The following DPYD variants were observed in gnomAD, a reference collection of about 807,000 sequenced individuals.
The protein encoded by DPYD is dihydropyrimidine dehydrogenase, also known as dihydropyrimidine dehydrogenase [NADP(+)].
A neutral mutation model predicts 116.2 loss-of-function variants in DPYD; 109 were observed. That is an observed-to-expected ratio of 0.94 (90% CI 0.80 to 1.10). The LOEUF is 1.10. Among genes scored for constraint, DPYD ranks in the 50% least tolerant of loss-of-function variants. DPYD has a pLI of 0.00. For missense variants in DPYD, 1,302 were observed against 1,254.5 expected (o/e 1.04, Z -0.57); for synonymous variants, 440 against 432.0 (o/e 1.02, Z -0.23).
intron 12 of DPYD, 68 bp downstream of exon 12, chr1:97,549,492 G>T: frequency 6.7e-7 from 1 of 1,497,624 alleles, no homozygotes; most frequent in Non-Finnish European, 9.3e-7. Context: ...TTATAGATGA[G>T]TATCAAAAAT....
chr1:97,577,806 T>A (rs1045600436), intron 10 of DPYD, among the ~76,000 whole-genome samples: 2 of 152,040 alleles, frequency 1.3e-5, no homozygotes, highest in Non-Finnish European at 2.9e-5. Flanking sequence ...AGTATTGTCT[T>A]ATTATTTTTG....
rs113604832 is a variant in DPYD at position 97,079,269 on chromosome 1, C to G, written c.2908-123G>C. Reference sequence around the variant, plus strand: ...CACTATGAGACAACTACGTCCAGCTCTATGGTGCAACTATAGCAACAGTTG... The same window carrying G: ...CACTATGAGACAACTACGTCCAGCTGTATGGTGCAACTATAGCAACAGTTG... On this transcript the variant is annotated intron_variant, in intron 22 of 22. Transcript: ENST00000370192. 9.9e-3 allele frequency: 9,641 copies of G among 972,566 alleles called. 74 individuals carry two copies. Among genetic ancestry groups the G allele is most frequent in the Non-Finnish European group, 0.013 (7,643 of 603,410 alleles). The allele number at this position is 972,566 out of a possible 1,614,324, so 60.2% of individuals were successfully genotyped here.
chr1:97,173,469 A>G (rs535782115), intron 20 of DPYD, among the ~76,000 whole-genome samples: 2 of 130,050 alleles, frequency 1.5e-5, no homozygotes, highest in African/African-American at 3.2e-5. Flanking sequence ...ATATATACAC[A>G]CATAATGTGT....
intron 11 of DPYD, among the ~76,000 whole-genome samples, chr1:97,570,760 T>C (rs1490315868): frequency 6.6e-6 from 1 of 151,852 alleles, no homozygotes; most frequent in Non-Finnish European, 1.5e-5. Flanking sequence ...AATGTACACA[T>C]TCCTCACTTT....
chr1:97,268,721 C>T (rs374373845), intron 18 of DPYD, among the ~76,000 whole-genome samples: 136 of 152,118 alleles, frequency 8.9e-4, no homozygotes, highest in African/African-American at 3.1e-3. Flanking sequence ...TGCTGAGGTC[C>T]GATATGAGCC....
chr1:97,848,776 T>A (rs1347869336), intron 2 of DPYD, among the ~76,000 whole-genome samples: 1 of 152,152 alleles, frequency 6.6e-6, no homozygotes, highest in Non-Finnish European at 1.5e-5. Flanking sequence ...GAAGCTCAAA[T>A]AAAGAACAAA....
intron 6 of DPYD, among the ~76,000 whole-genome samples, chr1:97,698,365 T>C (rs1037686067): frequency 3.3e-5 from 5 of 151,868 alleles, no homozygotes; most frequent in African/African-American, 1.2e-4. Flanking sequence ...GATAATTTTA[T>C]ATTATCTTGG....
chr1:97,169,523 T>TTTTTTTTTTATTTTA (rs1553227133), intron 20 of DPYD, among the ~76,000 whole-genome samples: 4 of 143,016 alleles, frequency 2.8e-5, no homozygotes, highest in African/African-American at 1.1e-4. Context: ...ATTGGGTTAA[T>TTTTTTTTTTATTTTA]TTTTATTTTA....
intron 13 of DPYD, among the ~76,000 whole-genome samples, chr1:97,493,530 T>C (rs1475597012): frequency 3.3e-5 from 5 of 152,158 alleles, no homozygotes; most frequent in African/African-American, 1.2e-4. Context: ...ATCTTGCTAG[T>C]AAACTTGGTT....
chr1:97,192,975 C>T (rs759285661), intron 20 of DPYD, 94 bp downstream of exon 20: 16 of 1,421,374 alleles, frequency 1.1e-5, no homozygotes, highest in Non-Finnish European at 1.5e-5. Flanking sequence ...CACTGTGTTT[C>T]CTTTGTTAGT....
chr1:97,287,649 C>T (rs949902924), intron 18 of DPYD, among the ~76,000 whole-genome samples: 12 of 152,312 alleles, frequency 7.9e-5, no homozygotes, highest in Admixed American at 7.8e-4. Context: ...ACCCCTCCCC[C>T]AGCCTCGCTG....
In DPYD at chr1:97,230,437, A is replaced by G. The variant is rs375863506; in HGVS notation, c.2442+4415T>C. On this transcript the variant is annotated intron_variant, in intron 19 of 22. Transcript: ENST00000370192. ...TTAGAAGTGGAAACTAAATTATGAG[A>G]ACACATGAACACATAGAGGGGAATG... Among the ~76,000 whole-genome samples the G allele has an allele frequency of 1.6e-4, 25 of 152,244 alleles. No individual in the cohort carries two copies. In the East Asian group the frequency reaches 2.9e-3, roughly 18 times the overall value.
chr1:97,427,598 T>C (rs1674941889), intron 14 of DPYD, among the ~76,000 whole-genome samples: 1 of 151,982 alleles, frequency 6.6e-6, no homozygotes, highest in Non-Finnish European at 1.5e-5. Flanking sequence ...ATTCTCTCCC[T>C]TCCTCTTTCG....
chr1:97,238,808 A>G (rs543831084), intron 18 of DPYD, among the ~76,000 whole-genome samples: 10 of 152,274 alleles, frequency 6.6e-5, no homozygotes, highest in African/African-American at 2.2e-4. Flanking sequence ...AATCCTATAC[A>G]CTTAATTGAA....
At chr1:97,584,756 A>T (rs1653964352) in intron 10 of DPYD, among the ~76,000 whole-genome samples, 1 of 138,092 alleles carries the variant, frequency 7.2e-6, no homozygotes, top group South Asian at 2.4e-4. Context: ...CAATGAGAAC[A>T]CATGGACACA....
intron 8 of DPYD, among the ~76,000 whole-genome samples, chr1:97,663,237 G>C (rs1490054776): frequency 1.3e-5 from 2 of 152,122 alleles, no homozygotes; most frequent in Non-Finnish European, 2.9e-5. Context: ...CCACCAGGTT[G>C]TCACAAGGAA....
At chr1:97,342,503 A>T (rs369568842) in intron 16 of DPYD, among the ~76,000 whole-genome samples, 1 of 152,176 alleles carries the variant, frequency 6.6e-6, no homozygotes, top group South Asian at 2.1e-4. Context: ...AGCAAAGTCG[A>T]CTTATGTTCT....
intron 18 of DPYD, among the ~76,000 whole-genome samples, chr1:97,301,642 C>A (rs1347308703): frequency 6.6e-6 from 1 of 151,966 alleles, no homozygotes; most frequent in Non-Finnish European, 1.5e-5. Flanking sequence ...AATGAATTCA[C>A]CCCATTGAAA....
intron 14 of DPYD, among the ~76,000 whole-genome samples, chr1:97,444,930 T>C (rs1284618101): frequency 6.6e-6 from 1 of 152,108 alleles, no homozygotes; most frequent in Non-Finnish European, 1.5e-5. Context: ...GGTCCCCAGG[T>C]GAGACAGAAT....
Sources: allele counts gnomAD v4.1 joint callset (sites outside exome capture counted in the v4.1 genomes callset), GRCh38; gene constraint gnomAD v4.1.1; transcripts MANE v1.5; gene names NCBI Gene and HGNC (gene_info 2026-07-23, HGNC 2026-07-21).